CCSER1: variants seen among roughly 807,000 people sequenced by gnomAD.
CCSER1 encodes the protein coiled-coil serine rich protein 1, also known as serine-rich coiled-coil domain-containing protein 1.
CCSER1 carries 41 observed loss-of-function variants against 82.0 expected under a neutral mutation model. The ratio of observed to expected loss-of-function variants is 0.50; its 90% confidence interval spans 0.39 to 0.65. CCSER1 has a LOEUF of 0.65. Ranked by LOEUF, CCSER1 falls within the 30% of genes least tolerant of loss-of-function variation. The probability of loss-of-function intolerance (pLI) is 0.00; values close to 1 mark genes in which losing one functional copy is unlikely to be tolerated. For synonymous variants in CCSER1, 414 were observed against 383.9 expected, an observed-to-expected ratio of 1.08 and a Z score of -0.92; for missense variants, 1,119 against 1,064.2, an observed-to-expected ratio of 1.05 and a Z score of -0.72.
chr4:91,159,699 A>T (rs1342172361), intron 10 of CCSER1, among the ~76,000 whole-genome samples: 1 of 151,954 alleles, frequency 6.6e-6, no homozygotes, highest in Admixed American at 6.6e-5. Flanking sequence ...AATTAGAATC[A>T]GTGAATACAT....
chr4:90,437,267 A>ACATGCGCG (rs1474187957), intron 4 of CCSER1, among the ~76,000 whole-genome samples: 1 of 150,100 alleles, frequency 6.7e-6, no homozygotes, highest in Non-Finnish European at 1.5e-5. Flanking sequence ...ACACATGCAC[A>ACATGCGCG]CATGCGCGCG....
At chr4:90,271,848 A>ATATATATATATG (rs1726440874) in intron 1 of CCSER1, among the ~76,000 whole-genome samples, 2 of 23,352 alleles carry the variant, frequency 8.6e-5, no homozygotes, top group African/African-American at 7.9e-4. Flanking sequence ...ATATATATAT[A>ATATATATATATG]TATATATATA....
chr4:90,484,358 T>A (rs1039210936), intron 5 of CCSER1, among the ~76,000 whole-genome samples: 4 of 152,220 alleles, frequency 2.6e-5, no homozygotes, highest in African/African-American at 4.8e-5. Context: ...TTCTGAAGCC[T>A]TGTTCTCTCA....
intron 10 of CCSER1, among the ~76,000 whole-genome samples, chr4:91,170,443 G>A (rs1008348236): frequency 2.6e-5 from 4 of 152,004 alleles, no homozygotes; most frequent in Admixed American, 6.6e-5. Flanking sequence ...CTGAAAACAC[G>A]TGACTGTGTT....
intron 4 of CCSER1, among the ~76,000 whole-genome samples, chr4:90,459,036 T>C (rs897828447): frequency 2.0e-5 from 3 of 152,162 alleles, no homozygotes; most frequent in Non-Finnish European, 4.4e-5. Context: ...TTATAGTATA[T>C]ATTATATATG....
At chr4:90,781,788 C>G (rs1472597404) in intron 7 of CCSER1, 1 of 960,436 alleles carries the variant, frequency 1.0e-6, no homozygotes, top group Non-Finnish European at 1.2e-6. Context: ...TTTATTTTGG[C>G]TTTTTTGATA....
chr4:90,283,199 A>G (rs918032720), intron 1 of CCSER1, among the ~76,000 whole-genome samples: 2 of 151,988 alleles, frequency 1.3e-5, no homozygotes, highest in Admixed American at 6.6e-5. Flanking sequence ...CTAATATTTC[A>G]TGGTATTTTG....
At chr4:90,783,682 A>G (rs1754104512) in intron 7 of CCSER1, among the ~76,000 whole-genome samples, 1 of 152,180 alleles carries the variant, frequency 6.6e-6, no homozygotes. Context: ...CCAGTCAAAT[A>G]TTTATCTCAC....
intron 1 of CCSER1, among the ~76,000 whole-genome samples, chr4:90,230,763 G>C (rs372551716): frequency 7.3e-5 from 11 of 151,720 alleles, no homozygotes; most frequent in Admixed American, 2.6e-4. Context: ...GAATCAAATA[G>C]ACGCAATAAA....
chr4:91,164,485 A>G (rs1332865825), intron 10 of CCSER1, among the ~76,000 whole-genome samples: 2 of 152,082 alleles, frequency 1.3e-5, no homozygotes, highest in African/African-American at 4.8e-5. Flanking sequence ...CTACCTTGCT[A>G]GGTTGGGGAA....
chr4:90,479,752 AC>A (rs1352151673), intron 5 of CCSER1, among the ~76,000 whole-genome samples: 71 of 152,344 alleles, frequency 4.7e-4, no homozygotes, highest in African/African-American at 1.5e-3. Flanking sequence ...TATATGTGCC[AC>A]ATTTACTTAA....
intron 3 of CCSER1, among the ~76,000 whole-genome samples, chr4:90,347,735 G>T (rs1742634561): frequency 6.6e-6 from 1 of 152,110 alleles, no homozygotes; most frequent in African/African-American, 2.4e-5. Context: ...ACTGATAGAA[G>T]AGGGAAAGAA....
chr4:91,382,148 C>T (rs560987072), intron 10 of CCSER1, among the ~76,000 whole-genome samples: 72 of 152,258 alleles, frequency 4.7e-4, no homozygotes, highest in Middle Eastern at 6.8e-3. Context: ...CAGCTGTGTT[C>T]GGTGTCAGTC....
At chr4:91,255,992 A>G (rs1740649955) in intron 10 of CCSER1, among the ~76,000 whole-genome samples, 1 of 152,196 alleles carries the variant, frequency 6.6e-6, no homozygotes, top group Non-Finnish European at 1.5e-5. Context: ...AAGGGAGATA[A>G]CCATTAAGTC....
chr4:91,024,349 G>C (rs1242013756), intron 9 of CCSER1, among the ~76,000 whole-genome samples: 2 of 151,976 alleles, frequency 1.3e-5, no homozygotes, highest in African/African-American at 2.4e-5. Flanking sequence ...AAACTATTCT[G>C]TATGTTTTTG....
intron 10 of CCSER1, among the ~76,000 whole-genome samples, chr4:91,288,177 TATACAC>T (rs1743467073): frequency 7.2e-6 from 1 of 139,020 alleles, no homozygotes; most frequent in South Asian, 2.3e-4. Context: ...CACACACACA[TATACAC>T]ATACATACAC....
chr4:91,166,661 T>C (rs1249125472), intron 10 of CCSER1, among the ~76,000 whole-genome samples: 1 of 152,220 alleles, frequency 6.6e-6, no homozygotes, highest in Non-Finnish European at 1.5e-5. Context: ...CTCTTTATTT[T>C]GTGGCAAGTC....
At chr4:90,440,901 A>C (rs893221975) in intron 4 of CCSER1, among the ~76,000 whole-genome samples, 2 of 152,176 alleles carry the variant, frequency 1.3e-5, no homozygotes, top group Non-Finnish European at 2.9e-5. Context: ...CACTTGCCCT[A>C]TTCTCAGAGA....
rs1213474576 is a variant in CCSER1 at position 91,124,332 on chromosome 4, T to A, written c.2217+38338T>A. Among the ~76,000 whole-genome samples, 6 of 151,962 alleles carry A rather than the reference T, an allele frequency of 3.9e-5. No homozygotes were observed. In the East Asian group the frequency reaches 1.2e-3, roughly 29 times the overall value. On this transcript the variant is annotated intron_variant, in intron 10 of 10. Coordinates refer to ENST00000509176, the MANE Select transcript of CCSER1 (RefSeq NM_001145065.2). ...ATTCTGCATTATATTAAAAACTACA[T>A]CTGATTTGAAAAACCGATGCACATC...
Sources: allele counts gnomAD v4.1 joint callset (sites outside exome capture counted in the v4.1 genomes callset), GRCh38; gene constraint gnomAD v4.1.1; transcripts MANE v1.5; gene names NCBI Gene and HGNC (gene_info 2026-07-23, HGNC 2026-07-21).